The following XAGE3 variants were observed in gnomAD, a reference collection of about 807,000 sequenced individuals.
The protein encoded by XAGE3 is CT12.3.
A neutral mutation model predicts 9.2 loss-of-function variants in XAGE3; 6 were observed. The ratio of observed to expected loss-of-function variants is 0.65; its 90% CI spans 0.36 to 1.29. The LOEUF (loss-of-function observed/expected upper bound fraction) is 1.29. Ranked by LOEUF, XAGE3 falls within the 50% of genes most tolerant of loss-of-function variation. The pLI is 0.03. For synonymous variants in XAGE3, 26 were observed against 28.2 expected, an observed-to-expected ratio of 0.92 and a Z score of 0.25; for missense variants, 70 against 82.8, an observed-to-expected ratio of 0.85 and a Z score of 0.60.
Position 52,866,441 on chromosome X carries a change from T to C in XAGE3, c.179A>G (p.Glu60Gly). The C allele has an allele frequency of 8.3e-7, 1 of 1,210,363 alleles. No individual in the cohort carries two copies. The highest frequency in any genetic ancestry group is 1.7e-5 in the African/African-American group (1 of 57,590). ...CTTTCCCTTCCCAGCACCTTGAGTC[T>C]CAGCTGCACCCTGATCTTCTTCTCT... is the stretch of plus-strand genomic sequence containing the variant. The part of the protein sequence containing the change: ...QEREEDQGAA[E>G]TQVPDLEADL... The change falls in exon 3 of 5, where the codon GAG becomes GGG. Residue 60 changes from glutamate to glycine, a missense_variant. Physicochemically the swap from Glu to Gly is moderately conservative, Grantham distance 98. Coordinates refer to ENST00000346279, the MANE Select transcript of XAGE3 (RefSeq NM_133179.3).
At chrX:52,867,877 G>A (rs1189825568) in intron 1 of XAGE3, 129 bp downstream of exon 1, 24 of 111,374 alleles carry the variant, frequency 2.2e-4, no homozygotes, top group Admixed American at 1.8e-3. Flanking sequence ...CGAGGAGAAG[G>A]ACGATCACCT....
At chrX:52,866,681 ATACT>A in intron 2 of XAGE3, 143 bp from the exon 3 acceptor site, 1 of 561,254 alleles carries the variant, frequency 1.8e-6, no homozygotes, top group Non-Finnish European at 2.8e-6. Context: ...ACGATTCCAC[ATACT>A]TATTTTTCAT....
intron 2 of XAGE3, 135 bp from the exon 3 acceptor site, chrX:52,866,673 G>A (rs1439832663): frequency 9.0e-6 from 5 of 555,616 alleles, no homozygotes; most frequent in East Asian, 7.3e-5. Context: ...TCTCCAACAC[G>A]ATTCCACATA....
At chrX:52,864,943 A>T in intron 3 of XAGE3, 43 bp from the exon 4 acceptor site, 2 of 1,196,252 alleles carry the variant, frequency 1.7e-6, no homozygotes, top group Middle Eastern at 2.3e-4. Context: ...GCAAACAAGA[A>T]AGATAAAGAA....
chrX:52,867,744 G>A (rs1324650198), intron 1 of XAGE3, among the ~76,000 whole-genome samples: 1 of 110,838 alleles, frequency 9.0e-6, no homozygotes, highest in Non-Finnish European at 1.9e-5. Flanking sequence ...CCAGGGACTC[G>A]GATACCTGCC....
rs1436693700 is a variant in XAGE3 at position 52,862,532 on chromosome X, G to C, written c.*86C>G. 2 of 1,123,045 alleles carry C rather than the reference G, an allele frequency of 1.8e-6. No homozygotes were observed. The highest frequency in any genetic ancestry group is 2.4e-6 in the Non-Finnish European group (2 of 826,528). The allele number at this position is 1,123,045 out of a possible 1,213,427, so 92.6% of individuals were successfully genotyped here. Reference sequence around the variant, plus strand: ...ACAAAAAATGTGCAAGACTTCTTTGGAGAAAGCTGCAAAAGTTTATTTCGA... The same window carrying C: ...ACAAAAAATGTGCAAGACTTCTTTGCAGAAAGCTGCAAAAGTTTATTTCGA... On this transcript the variant is annotated 3_prime_UTR_variant, in exon 5 of 5. Coordinates refer to ENST00000346279, the MANE Select transcript of XAGE3 (RefSeq NM_133179.3).
chrX:52,866,596 C>A, intron 2 of XAGE3, 58 bp from the exon 3 acceptor site: 3 of 966,965 alleles, frequency 3.1e-6, no homozygotes, highest in Non-Finnish European at 4.3e-6. Flanking sequence ...GTTTTGTTAT[C>A]GATACATTTC....
At chrX:52,862,851 A>T (rs45461195) in intron 4 of XAGE3, among the ~76,000 whole-genome samples, 57 of 114,593 alleles carry the variant, frequency 5.0e-4, no homozygotes, top group African/African-American at 1.2e-3. Flanking sequence ...TTTTTAAAAC[A>T]TCCTGCCTTC....
At position 52,862,565 on chromosome X, in the gene XAGE3, A is replaced by T; in HGVS notation, c.*53T>A. ...TGCAAAAGTTTATTTCGATATTTTT[A>T]AGTCAAATATCTTAGATAAAAACAG... On this transcript the variant is annotated 3_prime_UTR_variant, in exon 5 of 5. Coordinates refer to ENST00000346279, the MANE Select transcript of XAGE3 (RefSeq NM_133179.3). The T allele has an allele frequency of 8.4e-7, 1 of 1,192,466 alleles. No homozygotes were observed.
rs1218498376 is a variant in XAGE3, at chrX:52,866,952, A to G, written c.81+101T>C. ...ATGGGAGACCTTTATTGGTATATCT[A>G]TACTGGTTCAACAACAATTACAAAA... is the stretch of plus-strand genomic sequence containing the variant. On this transcript the variant is annotated intron_variant, in intron 2 of 4. Coordinates refer to ENST00000346279, the MANE Select transcript of XAGE3 (RefSeq NM_133179.3). The G allele has an allele frequency of 5.9e-6, 5 of 842,320 alleles. No homozygotes were observed. The African/African-American group carries it at 9.9e-5, about 17-fold the overall frequency. 69.4% of individuals were successfully genotyped at this position (842,320 alleles called of 1,213,427 possible).
chrX:52,865,451 T>C (rs1927863439), intron 3 of XAGE3, among the ~76,000 whole-genome samples: 1 of 111,489 alleles, frequency 9.0e-6, no homozygotes, highest in South Asian at 3.8e-4. Context: ...AAAAAATTAA[T>C]GGGCATTGTT....
At chrX:52,867,496 C>A (rs1556784607) in intron 1 of XAGE3, among the ~76,000 whole-genome samples, 1 of 111,395 alleles carries the variant, frequency 9.0e-6, no homozygotes, top group Non-Finnish European at 1.9e-5. Flanking sequence ...CCCATTTCCC[C>A]CCTAAAATCA....
Position 52,866,544 on chromosome X carries a change from A to G in XAGE3, c.82-6T>C. 8.3e-7 allele frequency: 1 copy of G among 1,203,759 alleles called. No individual in the cohort carries two copies. Among genetic ancestry groups the G allele is most frequent in the South Asian group, 1.8e-5 (1 of 56,614 alleles). On this transcript the variant is annotated splice_polypyrimidine_tract_variant and splice_region_variant and intron_variant, in intron 2 of 4. Coordinates refer to ENST00000346279, the MANE Select transcript of XAGE3 (RefSeq NM_133179.3). ...GGCTCCTCATCACCGGGCTCCTGGAACCAGGGGTGTGTGTGTGTGTGTGTG... is the reference window on the plus strand; with the variant it reads ...GGCTCCTCATCACCGGGCTCCTGGAGCCAGGGGTGTGTGTGTGTGTGTGTG...
rs369846700 is a variant in XAGE3 at position 52,862,650 on chromosome X, A to G, written c.314-10T>C. On this transcript the variant is annotated splice_polypyrimidine_tract_variant and intron_variant, in intron 4 of 4. Coordinates refer to ENST00000346279, the MANE Select transcript of XAGE3 (RefSeq NM_133179.3). ...TGTGGTTGCCTGTCACCTATAATAG[A>G]AATATAACAGGAGGGAACATTAGTA... 49 of 1,210,758 alleles carry G rather than the reference A, an allele frequency of 4.0e-5. No individual in the cohort carries two copies. The African/African-American group carries it at 7.4e-4, about 18-fold the overall frequency.
intron 2 of XAGE3, 93 bp from the exon 3 acceptor site, chrX:52,866,631 T>C: frequency 1.4e-6 from 1 of 702,987 alleles, no homozygotes; most frequent in Non-Finnish European, 2.1e-6. Flanking sequence ...ACAGAATACA[T>C]AGATATTTCT....
intron 3 of XAGE3, among the ~76,000 whole-genome samples, chrX:52,865,873 G>A (rs782819220): frequency 6.3e-5 from 7 of 111,844 alleles, no homozygotes; most frequent in African/African-American, 2.3e-4. Flanking sequence ...AATCATTCAC[G>A]TTTTCTAATG....
In XAGE3 at chrX:52,867,141, A is replaced by G; in HGVS notation, c.-8T>C. On this transcript the variant is annotated splice_region_variant and 5_prime_UTR_variant, in exon 2 of 5. Coordinates refer to ENST00000346279, the MANE Select transcript of XAGE3 (RefSeq NM_133179.3). Reference sequence around the variant, plus strand: ...TCTTCCTCGCCAAATCATATTTCACACTGCAAACAGAATACTGTGAATTGG... The same window carrying G: ...TCTTCCTCGCCAAATCATATTTCACGCTGCAAACAGAATACTGTGAATTGG... The G allele has an allele frequency of 8.3e-7, 1 of 1,200,711 alleles. No homozygotes were observed. The highest frequency in any genetic ancestry group is 2.3e-4 in the Middle Eastern group (1 of 4,306).
In XAGE3 at chrX:52,862,640, C is replaced by A. The variant is rs1556783827; in HGVS notation, c.314G>T (p.Gly105Val). 2.5e-6 allele frequency: 3 copies of A among 1,210,828 alleles called. No homozygotes were observed. The highest frequency in any genetic ancestry group is 4.3e-5 in the Admixed American group (2 of 46,006). ...KSEQFKMPEG[G>V]DRQPQV ...CATTTAAACCTGTGGTTGCCTGTCA[C>A]CTATAATAGAAATATAACAGGAGGG... The change falls in exon 5 of 5, where the codon GGT (glycine) becomes GTT (valine). Residue 105 changes from glycine (G) to valine (V), a missense_variant and splice_region_variant. Transcript: ENST00000346279.
At chrX:52,867,690 G>T (rs1478256328) in intron 1 of XAGE3, among the ~76,000 whole-genome samples, 2 of 110,231 alleles carry the variant, frequency 1.8e-5, no homozygotes, top group Non-Finnish European at 3.8e-5. Context: ...GCTCCTTCCC[G>T]GGTCGACACG....
Sources: gnomAD v4.1 joint callset for allele counts (sites outside exome capture counted in the v4.1 genomes callset) on GRCh38, gnomAD v4.1.1 for gene constraint, MANE v1.5 for transcripts, NCBI Gene and HGNC (gene_info 2026-07-23, HGNC 2026-07-21) for gene names.